The following TENM3 variants were observed in gnomAD, a reference collection of about 807,000 sequenced individuals.
TENM3 encodes the protein teneurin transmembrane protein 3.
A neutral mutation model predicts 255.1 loss-of-function variants in TENM3; 63 were observed. That is an observed-to-expected ratio of 0.25 (90% CI 0.20 to 0.30). The LOEUF is 0.30. TENM3 is among the 10% of genes least tolerant of loss of function. TENM3 has a pLI of 1.00. For synonymous variants in TENM3, 1,306 were observed against 1,322.3 expected (o/e 0.99, Z 0.27); for missense variants, 2,929 against 3,461.1 (o/e 0.85, Z 3.86).
chr4:182,241,443 G>T (rs1399472167), upstream of TENM3, among the ~76,000 whole-genome samples: 2 of 146,108 alleles, frequency 1.4e-5, no homozygotes, highest in African/African-American at 5.4e-5. Flanking sequence ...TGCTTCCTCT[G>T]GATCCTTGGC....
chr4:181,905,508 C>T, the TENM3 span, among the ~76,000 whole-genome samples: 1 of 150,910 alleles, frequency 6.6e-6, no homozygotes, highest in Non-Finnish European at 1.5e-5. Flanking sequence ...AAAACGTGCC[C>T]ACTATGTTGC....
At chr4:182,325,319 C>T (rs1329211984) in intron 2 of TENM3, among the ~76,000 whole-genome samples, 3 of 152,092 alleles carry the variant, frequency 2.0e-5, no homozygotes, top group Non-Finnish European at 4.4e-5. Context: ...TCTTTTCTTC[C>T]CTGCATTGTG....
chr4:182,367,102 T>A (rs949020692), intron 3 of TENM3, among the ~76,000 whole-genome samples: 4 of 151,670 alleles, frequency 2.6e-5, no homozygotes, highest in Non-Finnish European at 4.4e-5. Flanking sequence ...AGAAAAGCAA[T>A]GAGGATTCAG....
the TENM3 span, among the ~76,000 whole-genome samples, chr4:182,077,069 C>T: frequency 3.9e-5 from 6 of 152,176 alleles, no homozygotes; most frequent in Admixed American, 2.6e-4. Flanking sequence ...TTCCAACTTC[C>T]GAACATCTTC....
rs770097658 is a variant in TENM3 at position 182,728,951 on chromosome 4, A to G, written c.2369-14A>G. The G allele has an allele frequency of 4.3e-6, 7 of 1,609,580 alleles. No individual in the cohort carries two copies. The highest frequency in any genetic ancestry group is 2.2e-5 in the East Asian group (1 of 44,830). ...AAGGAAAATTCTCTTACTGGGGAAC[A>G]TTTCTCTCTACAGATGGACTCATTG... On this transcript the variant is annotated splice_polypyrimidine_tract_variant and intron_variant, in intron 13 of 27. Transcript: ENST00000511685.
At chr4:182,766,139 G>A (rs1412944025) in intron 22 of TENM3, among the ~76,000 whole-genome samples, 2 of 152,092 alleles carry the variant, frequency 1.3e-5, no homozygotes, top group African/African-American at 2.4e-5. Flanking sequence ...GGCTGAACAG[G>A]CACCAGGATA....
the TENM3 span, among the ~76,000 whole-genome samples, chr4:182,093,871 T>A: frequency 6.6e-6 from 1 of 152,226 alleles, no homozygotes; most frequent in Non-Finnish European, 1.5e-5. Context: ...TTTCAATTTC[T>A]TTTAAAATCA....
At chr4:181,856,016 GGAAA>G in the TENM3 span, among the ~76,000 whole-genome samples, 4 of 67,436 alleles carry the variant, frequency 5.9e-5, 1 homozygote, top group Non-Finnish European at 1.1e-4. Context: ...GGAAGGAAAG[GGAAA>G]GAAGGAAGGA....
At chr4:182,054,804 AT>A in the TENM3 span, among the ~76,000 whole-genome samples, 6 of 152,200 alleles carry the variant, frequency 3.9e-5, no homozygotes, top group East Asian at 3.9e-4. Context: ...AAAAATAAAA[AT>A]TTTTTAATTA....
At chr4:181,589,018 A>G in the TENM3 span, among the ~76,000 whole-genome samples, 5 of 152,298 alleles carry the variant, frequency 3.3e-5, no homozygotes, top group South Asian at 6.2e-4. Flanking sequence ...GACATCATAT[A>G]TTAGACATAA....
intron 3 of TENM3, among the ~76,000 whole-genome samples, chr4:182,599,445 G>A (rs933026892): frequency 6.6e-5 from 10 of 152,200 alleles, no homozygotes; most frequent in African/African-American, 2.4e-4. Context: ...CAAGGAAGTA[G>A]CGATATTTTC....
intron 6 of TENM3, among the ~76,000 whole-genome samples, chr4:182,662,416 C>T (rs1754303734): frequency 6.6e-6 from 1 of 152,188 alleles, no homozygotes; most frequent in South Asian, 2.1e-4. Flanking sequence ...GTACGTTTCA[C>T]TCTTACTGTG....
chr4:182,050,108 T>G, the TENM3 span, among the ~76,000 whole-genome samples: 1 of 152,080 alleles, frequency 6.6e-6, no homozygotes, highest in African/African-American at 2.4e-5. Context: ...TTCTCCTGCC[T>G]CAGCCTGCTG....
At chr4:182,462,079 T>C (rs1732059709) in intron 3 of TENM3, among the ~76,000 whole-genome samples, 1 of 152,020 alleles carries the variant, frequency 6.6e-6, no homozygotes, top group African/African-American at 2.4e-5. Context: ...TTTTTTTTTT[T>C]TTTTCCAAAT....
At chr4:182,635,998 T>G (rs1215265424) in intron 5 of TENM3, among the ~76,000 whole-genome samples, 1 of 152,204 alleles carries the variant, frequency 6.6e-6, no homozygotes, top group East Asian at 1.9e-4. Context: ...TTGACATTCT[T>G]TTTTCTTTTT....
At chr4:182,592,145 T>C (rs1412460950) in intron 3 of TENM3, among the ~76,000 whole-genome samples, 13 of 139,172 alleles carry the variant, frequency 9.3e-5, no homozygotes, top group Non-Finnish European at 1.8e-4. Flanking sequence ...TTTTTTTTTT[T>C]ACATCTGCAA....
At chr4:182,741,108 G>A (rs1192223359) in intron 18 of TENM3, among the ~76,000 whole-genome samples, 1 of 152,130 alleles carries the variant, frequency 6.6e-6, no homozygotes, top group African/African-American at 2.4e-5. Flanking sequence ...CCAGGGAGAC[G>A]GAGGTTGCAG....
intron 18 of TENM3, among the ~76,000 whole-genome samples, chr4:182,739,928 C>T (rs1007481894): frequency 6.6e-6 from 1 of 152,006 alleles, no homozygotes; most frequent in Non-Finnish European, 1.5e-5. Context: ...CCCAGCAACT[C>T]GGGAGGCTGA....
the TENM3 span, among the ~76,000 whole-genome samples, chr4:181,532,401 A>G: frequency 2.0e-5 from 3 of 152,154 alleles, no homozygotes; most frequent in South Asian, 6.2e-4. Flanking sequence ...TGAGAATGAC[A>G]TTGAGATTCC....
Sources: allele counts gnomAD v4.1 joint callset (sites outside exome capture counted in the v4.1 genomes callset), GRCh38; gene constraint gnomAD v4.1.1; transcripts MANE v1.5; gene names NCBI Gene and HGNC (gene_info 2026-07-23, HGNC 2026-07-21).